Variants in CCDC148 observed in about 807,000 individuals in gnomAD.
CCDC148 encodes coiled-coil domain-containing protein 148.
A neutral mutation model predicts 85.7 loss-of-function variants in CCDC148; 89 were observed. That is an observed-to-expected ratio of 1.04 (90% CI 0.87 to 1.24). CCDC148 has a LOEUF of 1.24. CCDC148 is among the 50% of genes most tolerant of loss of function. The probability of loss-of-function intolerance (pLI) is 0.00; values close to 1 mark genes in which losing one functional copy is unlikely to be tolerated. For missense variants in CCDC148, 692 were observed against 671.7 expected, an observed-to-expected ratio of 1.03 and a Z score of -0.33; for synonymous variants, 230 against 213.9, an observed-to-expected ratio of 1.08 and a Z score of -0.66.
rs79182818 is a variant in CCDC148, at chr2:158,193,372, G to A, written c.1371-14376C>T. ...AGACAACTGTCACTCATGGACCACA[G>A]GAAGACTCTATTCTGAGACTGCTCC... On this transcript the variant is annotated intron_variant, in intron 11 of 13. Transcript: ENST00000283233. Among the ~76,000 whole-genome samples, 1,392 of 152,186 alleles carry A rather than the reference G, an allele frequency of 9.1e-3. 6 individuals carry two copies. The highest frequency in any genetic ancestry group is 0.015 in the Non-Finnish European group (1,041 of 67,996).
intron 1 of CCDC148, among the ~76,000 whole-genome samples, chr2:158,432,152 T>TCATA (rs1302398595): frequency 6.6e-6 from 1 of 150,582 alleles, no homozygotes; most frequent in Non-Finnish European, 1.5e-5. Context: ...ACTAATAATA[T>TCATA]CATAGTACAG....
At chr2:158,300,703 A>T (rs1293604958) in intron 9 of CCDC148, among the ~76,000 whole-genome samples, 1 of 152,196 alleles carries the variant, frequency 6.6e-6, no homozygotes, top group Non-Finnish European at 1.5e-5. Context: ...GTATTTCTAA[A>T]TTGTAATGTG....
At chr2:158,191,074 C>T (rs1032243732) in intron 11 of CCDC148, among the ~76,000 whole-genome samples, 4 of 151,932 alleles carry the variant, frequency 2.6e-5, no homozygotes, top group Non-Finnish European at 4.4e-5. Context: ...AATTGGTCCT[C>T]GTTTTTCTGG....
At chr2:158,301,107 C>T (rs1691420289) in intron 9 of CCDC148, among the ~76,000 whole-genome samples, 1 of 152,152 alleles carries the variant, frequency 6.6e-6, no homozygotes, top group Non-Finnish European at 1.5e-5. Context: ...AATCCTCCCA[C>T]CTTAACCTTC....
chr2:158,366,647 T>C (rs1475184611), intron 1 of CCDC148, among the ~76,000 whole-genome samples: 1 of 152,142 alleles, frequency 6.6e-6, no homozygotes, highest in Non-Finnish European at 1.5e-5. Flanking sequence ...TGTAAAGCTA[T>C]TTGGGCCCAA....
chr2:158,290,644 T>C lies in CCDC148; in HGVS notation c.1110+18789A>G, dbSNP rs116519870. Among the ~76,000 whole-genome samples, 541 of 152,322 alleles carry C rather than the reference T, an allele frequency of 3.6e-3. 4 individuals carry two copies. Among genetic ancestry groups the C allele is most frequent in the African/African-American group, 0.012 (518 of 41,572 alleles). On this transcript the variant is annotated intron_variant, in intron 9 of 13. Transcript: ENST00000283233. Reference sequence around the variant, plus strand: ...ACATTCTATCATTTTCTTTGCTTTATACTTTTCTCCCTAGCACTTTTTGCT... The same window carrying C: ...ACATTCTATCATTTTCTTTGCTTTACACTTTTCTCCCTAGCACTTTTTGCT...
At chr2:158,227,737 G>A (rs779356396) in intron 10 of CCDC148, among the ~76,000 whole-genome samples, 2 of 152,164 alleles carry the variant, frequency 1.3e-5, no homozygotes, top group Non-Finnish European at 2.9e-5. Flanking sequence ...ATCGTGCTGG[G>A]AAAACTGGCT....
At chr2:158,227,196 C>A (rs1240692606) in intron 10 of CCDC148, among the ~76,000 whole-genome samples, 2 of 151,970 alleles carry the variant, frequency 1.3e-5, no homozygotes, top group Non-Finnish European at 1.5e-5. Context: ...TGAGTGAACT[C>A]CCATTCACAA....
intron 9 of CCDC148, among the ~76,000 whole-genome samples, chr2:158,301,518 G>A (rs1160694631): frequency 6.6e-6 from 1 of 152,180 alleles, no homozygotes; most frequent in Non-Finnish European, 1.5e-5. Flanking sequence ...AGAGATCTGA[G>A]AGCAGTTATA....
intron 2 of CCDC148, among the ~76,000 whole-genome samples, chr2:158,351,293 C>G (rs533577358): frequency 1.3e-5 from 2 of 152,272 alleles, no homozygotes; most frequent in East Asian, 3.9e-4. Context: ...ACGCAGAAGA[C>G]GGGTGATTTC....
intron 1 of CCDC148, among the ~76,000 whole-genome samples, chr2:158,407,414 A>G (rs1686073750): frequency 6.6e-6 from 1 of 152,104 alleles, no homozygotes. Context: ...TTTTCCCTCT[A>G]TTATTCCACC....
chr2:158,339,110 T>C (rs760719492), intron 5 of CCDC148, 25 bp from the exon 6 acceptor site: 4 of 1,480,776 alleles, frequency 2.7e-6, no homozygotes, highest in Non-Finnish European at 2.8e-6. Context: ...GAACAAGTAG[T>C]AGGCAAATTA....
At chr2:158,220,513 C>A in intron 11 of CCDC148, 82 bp downstream of exon 11, 1 of 916,212 alleles carries the variant, frequency 1.1e-6, no homozygotes, top group Non-Finnish European at 1.7e-6. Context: ...AAAAAGTTCC[C>A]TCTGATATTA....
At chr2:158,310,176 A>G (rs1205594682) in intron 8 of CCDC148, among the ~76,000 whole-genome samples, 1 of 152,150 alleles carries the variant, frequency 6.6e-6, no homozygotes, top group Non-Finnish European at 1.5e-5. Context: ...CACATCTTGC[A>G]CCGCCCTTAA....
intron 9 of CCDC148, among the ~76,000 whole-genome samples, chr2:158,284,030 A>G (rs1478967266): frequency 6.7e-6 from 1 of 149,628 alleles, no homozygotes; most frequent in Non-Finnish European, 1.5e-5. Context: ...GTAAGAACAA[A>G]AAACCAAACA....
chr2:158,359,465 T>A (rs1683829182), intron 1 of CCDC148, among the ~76,000 whole-genome samples: 1 of 152,118 alleles, frequency 6.6e-6, no homozygotes, highest in Admixed American at 6.5e-5. Flanking sequence ...GATTTCTGCA[T>A]TTCCAACTGA....
At chr2:158,292,759 T>C (rs996778053) in intron 9 of CCDC148, among the ~76,000 whole-genome samples, 4 of 152,166 alleles carry the variant, frequency 2.6e-5, no homozygotes, top group African/African-American at 7.2e-5. Context: ...TTGCCTGAAA[T>C]AGACTCAGAT....
intron 10 of CCDC148, among the ~76,000 whole-genome samples, chr2:158,241,657 T>A (rs1300614277): frequency 6.6e-6 from 1 of 152,146 alleles, no homozygotes; most frequent in Admixed American, 6.6e-5. Flanking sequence ...CACAATCTTA[T>A]TGTGAATGTA....
In CCDC148 at chr2:158,445,621, G is replaced by T. The variant is rs112366031; in HGVS notation, c.25+10794C>A. On this transcript the variant is annotated intron_variant, in intron 1 of 13. Transcript: ENST00000283233. ...AAAACGACAACAAAATACACAAATG[G>T]CAGGGAAAGAATAAACATTTTATCT... 3.8e-3 allele frequency among the ~76,000 whole-genome samples: 580 copies of T among 152,244 alleles called. 2 individuals are homozygous for T. Among genetic ancestry groups the T allele is most frequent in the African/African-American group, 0.013 (553 of 41,554 alleles).
Sources: gnomAD v4.1 joint callset for allele counts (sites outside exome capture counted in the v4.1 genomes callset) on GRCh38, gnomAD v4.1.1 for gene constraint, MANE v1.5 for transcripts, NCBI Gene and HGNC (gene_info 2026-07-23, HGNC 2026-07-21) for gene names.